The following ROBO2 variants were observed in gnomAD, a reference collection of about 807,000 sequenced individuals.
ROBO2 encodes roundabout guidance receptor 2.
ROBO2 carries 53 observed loss-of-function variants against 160.8 expected under a neutral mutation model. That is an observed-to-expected ratio of 0.33 (90% CI 0.26 to 0.41). The LOEUF is 0.41. ROBO2 is among the 10% of genes least tolerant of loss of function. The pLI is 1.00. For missense variants in ROBO2, 1,577 were observed against 1,722.4 expected, an observed-to-expected ratio of 0.92 and a Z score of 1.49; for synonymous variants, 664 against 611.7, an observed-to-expected ratio of 1.09 and a Z score of -1.26.
At chr3:76,386,344 TCCCTC>T (rs1427021847) in intron 2 of ROBO2, among the ~76,000 whole-genome samples, 3 of 35,678 alleles carry the variant, frequency 8.4e-5, no homozygotes, top group Non-Finnish European at 1.9e-4. Context: ...CCTCCCTCCC[TCCCTC>T]CCTCCCTCCC....
At chr3:76,771,655 G>C (rs1378451759) in intron 2 of ROBO2, among the ~76,000 whole-genome samples, 2 of 151,008 alleles carry the variant, frequency 1.3e-5, no homozygotes, top group African/African-American at 4.8e-5. Flanking sequence ...ATAAATTTAA[G>C]TAATTGAATT....
intron 6 of ROBO2, among the ~76,000 whole-genome samples, chr3:77,529,646 C>T (rs2091474193): frequency 6.6e-6 from 1 of 151,768 alleles, no homozygotes; most frequent in Non-Finnish European, 1.5e-5. Flanking sequence ...TATCTGTCAT[C>T]TGCAAGATGT....
Position 76,272,786 on chromosome 3 carries a change from TAAA to T in ROBO2, c.109+335186_109+335188del, listed in dbSNP as rs369663823. Reference sequence around the variant, plus strand: ...AATATATATTTATATATAAAATATATAAAATATATATATATAAAATATATAATA... The same window carrying T: ...AATATATATTTATATATAAAATATATATATATATATATAAAATATATAATA... On this transcript the variant is annotated intron_variant, in intron 2 of 26. Coordinates refer to the ROBO2 transcript ENST00000487694. 1.4e-3 allele frequency among the ~76,000 whole-genome samples: 38 copies of T among 27,152 alleles called. 2 individuals carry two copies. Among genetic ancestry groups the T allele is most frequent in the South Asian group, 2.8e-3 (2 of 720 alleles). 17.8% of individuals were successfully genotyped at this position (27,152 alleles called of 152,430 possible). A position where few individuals can be genotyped will look rare whatever the true frequency, so the allele number is the denominator to read the frequency against.
At chr3:76,830,614 A>C (rs894032080) in intron 2 of ROBO2, among the ~76,000 whole-genome samples, 1 of 152,110 alleles carries the variant, frequency 6.6e-6, no homozygotes, top group South Asian at 2.1e-4. Context: ...TCTCTCCTCT[A>C]TGACTTTCCA....
At chr3:77,279,870 G>C (rs72895165) in intron 2 of ROBO2, among the ~76,000 whole-genome samples, 3,848 of 152,148 alleles carry the variant, frequency 0.025, 163 homozygotes, top group African/African-American at 0.087. Flanking sequence ...ATTAGAGTTT[G>C]ATGTCTCACA....
intron 2 of ROBO2, among the ~76,000 whole-genome samples, chr3:75,972,673 C>T (rs563446410): frequency 6.6e-6 from 1 of 151,676 alleles, no homozygotes; most frequent in South Asian, 2.1e-4. Context: ...GTCTTTGAAC[C>T]AGCAACATCA....
chr3:76,217,246 G>A (rs879349104), intron 2 of ROBO2, among the ~76,000 whole-genome samples: 33 of 152,034 alleles, frequency 2.2e-4, no homozygotes, highest in South Asian at 1.0e-3. Flanking sequence ...ACATCACAAT[G>A]AAAAGAACTA....
intron 21 of ROBO2, among the ~76,000 whole-genome samples, chr3:77,613,501 C>G (rs2094697385): frequency 6.6e-6 from 1 of 152,024 alleles, no homozygotes; most frequent in Non-Finnish European, 1.5e-5. Flanking sequence ...AGTTATGAAG[C>G]AGAACAGCAC....
intron 2 of ROBO2, among the ~76,000 whole-genome samples, chr3:77,007,212 G>A (rs1228514783): frequency 6.6e-6 from 1 of 152,050 alleles, no homozygotes; most frequent in Admixed American, 6.6e-5. Flanking sequence ...TAAAAGCTTT[G>A]ATTTATAACT....
chr3:76,080,168 C>T (rs145107136), intron 2 of ROBO2, among the ~76,000 whole-genome samples: 17 of 152,134 alleles, frequency 1.1e-4, no homozygotes, highest in Non-Finnish European at 2.2e-4. Flanking sequence ...CTAATCAGAG[C>T]TTATAAGCCT....
intron 2 of ROBO2, among the ~76,000 whole-genome samples, chr3:77,343,618 G>A (rs2087593642): frequency 6.6e-6 from 1 of 152,112 alleles, no homozygotes; most frequent in African/African-American, 2.4e-5. Context: ...GGAACTCCTA[G>A]CTGGCAAGAA....
chr3:77,171,818 G>T (rs922722790), intron 2 of ROBO2, among the ~76,000 whole-genome samples: 11 of 151,966 alleles, frequency 7.2e-5, no homozygotes, highest in African/African-American at 1.7e-4. Context: ...CCATTGCTTC[G>T]GAATTTCAAA....
chr3:76,571,551 T>A (rs1320128643), intron 2 of ROBO2, among the ~76,000 whole-genome samples: 3 of 151,786 alleles, frequency 2.0e-5, no homozygotes, highest in Admixed American at 2.0e-4. Flanking sequence ...AATGGTAGAG[T>A]TTATTAATTT....
chr3:76,959,223 A>T (rs766620416), intron 2 of ROBO2, among the ~76,000 whole-genome samples: 2 of 152,226 alleles, frequency 1.3e-5, no homozygotes, highest in Non-Finnish European at 2.9e-5. Flanking sequence ...TTATGTCAAC[A>T]TCAAAAAAAC....
At chr3:77,220,204 G>A (rs562138663) in intron 2 of ROBO2, among the ~76,000 whole-genome samples, 6 of 151,922 alleles carry the variant, frequency 3.9e-5, no homozygotes, top group African/African-American at 7.3e-5. Flanking sequence ...TACAGATAGG[G>A]TTTCACCATA....
intron 2 of ROBO2, among the ~76,000 whole-genome samples, chr3:77,345,609 C>T (rs1187686927): frequency 6.6e-6 from 1 of 152,110 alleles, no homozygotes; most frequent in Non-Finnish European, 1.5e-5. Flanking sequence ...TATCTTTAAA[C>T]CTCTGTATCT....
At chr3:77,493,810 T>C (rs981601195) in intron 5 of ROBO2, among the ~76,000 whole-genome samples, 1 of 152,172 alleles carries the variant, frequency 6.6e-6, no homozygotes, top group African/African-American at 2.4e-5. Context: ...TGCATGTGGC[T>C]GACTGTAAGT....
chr3:77,404,576 T>C (rs1423170337), intron 2 of ROBO2, among the ~76,000 whole-genome samples: 1 of 152,176 alleles, frequency 6.6e-6, no homozygotes, highest in Non-Finnish European at 1.5e-5. Context: ...TCTTTGCATA[T>C]GTTCAACTGA....
At chr3:77,431,247 A>T (rs1254861875) in intron 2 of ROBO2, among the ~76,000 whole-genome samples, 1 of 152,170 alleles carries the variant, frequency 6.6e-6, no homozygotes, top group Admixed American at 6.5e-5. Flanking sequence ...AAAACAATCA[A>T]TGGGATTTGA....
Sources: gnomAD v4.1 joint callset for allele counts (sites outside exome capture counted in the v4.1 genomes callset) on GRCh38, gnomAD v4.1.1 for gene constraint, MANE v1.5 for transcripts, NCBI Gene and HGNC (gene_info 2026-07-23, HGNC 2026-07-21) for gene names.